The following TTYH2 variants were observed in gnomAD, a reference collection of about 807,000 sequenced individuals.
TTYH2 encodes the protein protein tweety homolog 2.
A neutral mutation model predicts 68.3 loss-of-function variants in TTYH2; 49 were observed. The observed-to-expected ratio is 0.72, with a 90% CI of 0.57 to 0.91. The LOEUF is 0.91. TTYH2 is among the 40% of genes least tolerant of loss of function. TTYH2 has a pLI of 0.00. For synonymous variants in TTYH2, 272 were observed against 300.8 expected (o/e 0.90, Z 0.99); for missense variants, 631 against 700.4 (o/e 0.90, Z 1.12).
chr17:74,227,704 G>GT (rs2050344008), intron 2 of TTYH2, among the ~76,000 whole-genome samples: 1 of 151,576 alleles, frequency 6.6e-6, no homozygotes. Context: ...TAGAGGGGGT[G>GT]TGTGTAAGAG....
intron 3 of TTYH2, among the ~76,000 whole-genome samples, chr17:74,235,671 C>T (rs1368282002): frequency 6.6e-6 from 1 of 152,078 alleles, no homozygotes; most frequent in Admixed American, 6.6e-5. Context: ...GGGTGGATCA[C>T]TTGAGGCCAG....
chr17:74,257,117 C>G (rs2050700990), intron 13 of TTYH2: 2 of 152,274 alleles, frequency 1.3e-5, no homozygotes, highest in Non-Finnish European at 2.9e-5. Context: ...AAAAGAATTA[C>G]TCTATGCACT....
rs1023954454 is a variant in TTYH2, at chr17:74,223,629, G to A, written c.302+972G>A. ...CCAGCTGGCGTCCACATGCATGCTG[G>A]CTGTTTTCAGGAGTTGTTGCGTTTT... On this transcript the variant is annotated intron_variant, in intron 2 of 13. Transcript: ENST00000269346. Among the ~76,000 whole-genome samples, 3 of 152,326 alleles carry A rather than the reference G, an allele frequency of 2.0e-5. No homozygotes were observed. The South Asian group carries it at 6.2e-4, about 32-fold the overall frequency.
chr17:74,248,681 C>G, intron 6 of TTYH2: 1 of 1,207,282 alleles, frequency 8.3e-7, no homozygotes, highest in Non-Finnish European at 1.0e-6. Context: ...AAGGTCTGTC[C>G]CAGAAGAGGC....
Position 74,248,357 on chromosome 17 carries a change from C to T in TTYH2, c.805-654C>T, listed in dbSNP as rs142601086. On this transcript the variant is annotated intron_variant, in intron 6 of 13. Coordinates refer to ENST00000269346, the MANE Select transcript of TTYH2 (RefSeq NM_032646.6). ...TCTGCTCCCACCCTGCCGCATGGGCCTTAGCAATCACTTAGCCAGGCCGTG... is the reference window on the plus strand; with the variant it reads ...TCTGCTCCCACCCTGCCGCATGGGCTTTAGCAATCACTTAGCCAGGCCGTG... 6.6e-5 allele frequency: 65 copies of T among 986,544 alleles called. 1 individual carries two copies. In the African/African-American group the frequency reaches 9.6e-4, roughly 15 times the overall value. 61.1% of individuals were successfully genotyped at this position (986,544 alleles called of 1,614,324 possible).
In TTYH2 at chr17:74,260,034, CG is replaced by C; in HGVS notation, c.1525-94del. 3 of 1,129,472 alleles carry C rather than the reference CG, an allele frequency of 2.7e-6. No individual in the cohort carries two copies. The South Asian group carries it at 3.7e-5, about 14-fold the overall frequency. 70.0% of individuals were successfully genotyped at this position (1,129,472 alleles called of 1,614,324 possible). ...CACGGCCGGGTTTCCCTCTGACACC[CG>C]ACCCAGTTCCACTCTGAGAAGTCCC... On this transcript the variant is annotated intron_variant, in intron 13 of 13. Coordinates refer to ENST00000269346, the MANE Select transcript of TTYH2 (RefSeq NM_032646.6).
Position 74,248,998 on chromosome 17 carries a change from C to T in TTYH2, c.805-13C>T, listed in dbSNP as rs1283050486. 6.2e-7 allele frequency: 1 copy of T among 1,614,148 alleles called. No homozygotes were observed. The highest frequency in any genetic ancestry group is 1.7e-5 in the Admixed American group (1 of 60,018). On this transcript the variant is annotated splice_polypyrimidine_tract_variant and intron_variant, in intron 6 of 13. Coordinates refer to ENST00000269346, the MANE Select transcript of TTYH2 (RefSeq NM_032646.6). ...TGATTTTCCTCCACCCCGTCCCTCT[C>T]TCCCTCACTCAGGCCACCAGTGACT...
intron 3 of TTYH2, among the ~76,000 whole-genome samples, chr17:74,234,013 C>G (rs936501817): frequency 7.2e-5 from 11 of 152,162 alleles, no homozygotes; most frequent in African/African-American, 2.7e-4. Flanking sequence ...CCTCCACTGA[C>G]CTGGCCCATC....
At chr17:74,244,337 T>C (rs552542470) in intron 6 of TTYH2, among the ~76,000 whole-genome samples, 4 of 152,342 alleles carry the variant, frequency 2.6e-5, no homozygotes, top group Non-Finnish European at 5.9e-5. Flanking sequence ...TTACACGTGC[T>C]TAGGCTTAGG....
At chr17:74,226,192 C>T (rs78410729) in intron 2 of TTYH2, among the ~76,000 whole-genome samples, 8,387 of 152,210 alleles carry the variant, frequency 0.055, 381 homozygotes, top group East Asian at 0.21. Context: ...AGTTATAAAG[C>T]CAGGGTCATG....
intron 3 of TTYH2, among the ~76,000 whole-genome samples, chr17:74,231,412 G>A (rs542238228): frequency 2.0e-5 from 3 of 152,294 alleles, no homozygotes; most frequent in African/African-American, 7.2e-5. Context: ...GACAACTGAG[G>A]GCTGGGCGTG....
Position 74,215,849 on chromosome 17 carries a change from G to A in TTYH2, c.129+2133G>A, listed in dbSNP as rs1035645952. The A allele has an allele frequency of 9.4e-6, 8 of 852,290 alleles. No individual in the cohort carries two copies. Among genetic ancestry groups the A allele is most frequent in the Non-Finnish European group, 1.3e-5 (7 of 550,158 alleles). 52.8% of individuals were successfully genotyped at this position (852,290 alleles called of 1,614,324 possible). A position where few individuals can be genotyped will look rare whatever the true frequency, so the allele number is the denominator to read the frequency against. On this transcript the variant is annotated intron_variant, in intron 1 of 13. Transcript: ENST00000269346. The surrounding 1 kb of genome is among the most constrained non-coding windows in gnomAD (Gnocchi z 4.3). ...TTGACTGGAGCAAGTGCTATGCCAG[G>A]CGTGGGGTGACCGTGGTAACCAAGG... is the stretch of plus-strand genomic sequence containing the variant.
chr17:74,256,329 A>T, intron 13 of TTYH2, among the ~76,000 whole-genome samples: 1 of 152,058 alleles, frequency 6.6e-6, no homozygotes. Flanking sequence ...TGGGGGCTGG[A>T]TGCTATTGAC....
chr17:74,250,477 A>G, intron 10 of TTYH2, 120 bp downstream of exon 10: 1 of 794,806 alleles, frequency 1.3e-6, no homozygotes, highest in Non-Finnish European at 2.0e-6. Context: ...CCGGCCCAGG[A>G]ATGGAACTGA....
chr17:74,249,532 C>T (rs551883369), intron 8 of TTYH2, 133 bp downstream of exon 8: 7 of 950,470 alleles, frequency 7.4e-6, no homozygotes, highest in Non-Finnish European at 1.1e-5. Context: ...TTAGCTGCTT[C>T]TGTGAGGGGG....
rs148473258 is a variant in TTYH2, at chr17:74,239,780, C to T, written c.635+2266C>T. 8.1e-3 allele frequency among the ~76,000 whole-genome samples: 1,227 copies of T among 152,304 alleles called. 14 individuals carry two copies. Among genetic ancestry groups the T allele is most frequent in the African/African-American group, 0.028 (1,176 of 41,562 alleles). On this transcript the variant is annotated intron_variant, in intron 4 of 13. Transcript: ENST00000269346. This position sits in a 1 kb window ranked among gnomAD's most constrained non-coding sequence, Gnocchi z 5.3. ...CTCCCAAGGGACAGAAGGAAACTGC[C>T]AGCTCTAAGGACTGTCTGTGACCTC...
At chr17:74,230,187 A>G (rs370273402) in intron 2 of TTYH2, among the ~76,000 whole-genome samples, 2 of 152,258 alleles carry the variant, frequency 1.3e-5, no homozygotes, top group East Asian at 3.9e-4. Context: ...TAATGGGCAG[A>G]GCACAGAGGA....
Position 74,215,489 on chromosome 17 carries a change from A to G in TTYH2, c.129+1773A>G. 1.3e-6 allele frequency: 1 copy of G among 749,622 alleles called. No individual in the cohort carries two copies. The highest frequency in any genetic ancestry group is 2.1e-6 in the Non-Finnish European group (1 of 468,944). 46.4% of individuals were successfully genotyped at this position (749,622 alleles called of 1,614,324 possible). A position where few individuals can be genotyped will look rare whatever the true frequency, so the allele number is the denominator to read the frequency against. Reference sequence around the variant, plus strand: ...ACCTCCAGCCTCTGCCCCTCCTCCCAGGATTCTGGCCCCGGCTCACTTTGT... The same window carrying G: ...ACCTCCAGCCTCTGCCCCTCCTCCCGGGATTCTGGCCCCGGCTCACTTTGT... On this transcript the variant is annotated intron_variant, in intron 1 of 13. Transcript: ENST00000269346. This position sits in a 1 kb window ranked among gnomAD's most constrained non-coding sequence, Gnocchi z 4.3.
At chr17:74,226,467 C>T (rs995563099) in intron 2 of TTYH2, among the ~76,000 whole-genome samples, 7 of 152,108 alleles carry the variant, frequency 4.6e-5, no homozygotes, top group Admixed American at 2.6e-4. Flanking sequence ...TGGGAAAAAC[C>T]CTTGGGTTAA....
Sources: allele counts gnomAD v4.1 joint callset (sites outside exome capture counted in the v4.1 genomes callset), GRCh38; gene constraint gnomAD v4.1.1; non-coding constraint Gnocchi (gnomAD v3.1); transcripts MANE v1.5; gene names NCBI Gene and HGNC (gene_info 2026-07-23, HGNC 2026-07-21).